Variants in RIN3 observed in about 807,000 individuals in gnomAD.
RIN3 encodes the protein Ras and Rab interactor 3, also known as RAB5 interacting protein 3.
A neutral mutation model predicts 76.3 loss-of-function variants in RIN3; 54 were observed. That is an observed-to-expected ratio of 0.71 (90% CI 0.57 to 0.89). The LOEUF (loss-of-function observed/expected upper bound fraction) is 0.89. Among genes scored for constraint, RIN3 ranks in the 40% least tolerant of loss-of-function variants. The pLI is 0.00. For synonymous variants in RIN3, 576 were observed against 564.0 expected (o/e 1.02, Z -0.30); for missense variants, 1,256 against 1,322.1 (o/e 0.95, Z 0.78).
intron 2 of RIN3, among the ~76,000 whole-genome samples, chr14:92,575,092 C>T (rs534154207): frequency 1.3e-5 from 2 of 152,106 alleles, no homozygotes; most frequent in African/African-American, 4.8e-5. Flanking sequence ...GGGTTTGGGC[C>T]AGACTAGGGA....
Position 92,652,393 on chromosome 14 carries a change from G to A in RIN3, c.1344G>A (p.Glu448=), listed in dbSNP as rs367897044. ...VKASDPHSMP[E]LPRTAKQPPV... ...CCAGCGATCCTCACAGCATGCCAGA[G>A]CTGCCCAGGACAGCCAAACAACCCC... The change falls in exon 6 of 10, where the codon GAG becomes GAA. Residue 448 remains glutamate (E), a synonymous_variant. Transcript: ENST00000216487. This position sits in a 1 kb window ranked among gnomAD's most constrained non-coding sequence, Gnocchi z 6.4. 1.2e-6 allele frequency: 2 copies of A among 1,612,218 alleles called. No individual in the cohort carries two copies. The highest frequency in any genetic ancestry group is 2.7e-5 in the African/African-American group (2 of 74,876).
At chr14:92,555,429 TG>T (rs1897548593) in intron 1 of RIN3, among the ~76,000 whole-genome samples, 1 of 152,192 alleles carries the variant, frequency 6.6e-6, no homozygotes, top group South Asian at 2.1e-4. Flanking sequence ...TTGACAGTTC[TG>T]TCCGGTTTAA....
At chr14:92,571,740 C>T (rs184552938) in intron 2 of RIN3, among the ~76,000 whole-genome samples, 449 of 152,216 alleles carry the variant, frequency 2.9e-3, no homozygotes, top group Non-Finnish European at 3.8e-3. Context: ...TTTGATAATC[C>T]GATAGGACAA....
intron 1 of RIN3, among the ~76,000 whole-genome samples, chr14:92,544,606 G>A (rs1347734146): frequency 3.9e-5 from 6 of 152,198 alleles, no homozygotes; most frequent in Non-Finnish European, 7.3e-5. Context: ...CAGGGCACTG[G>A]CAGAAGGAAC....
chr14:92,629,065 G>A (rs1595467468), intron 4 of RIN3, among the ~76,000 whole-genome samples: 1 of 152,076 alleles, frequency 6.6e-6, no homozygotes, highest in East Asian at 1.9e-4. Flanking sequence ...GAAACCTGCA[G>A]TTGCTTTCGT....
At chr14:92,673,107 C>T (rs1888342365) in intron 7 of RIN3, among the ~76,000 whole-genome samples, 1 of 151,994 alleles carries the variant, frequency 6.6e-6, no homozygotes. Context: ...ACGGCAAAAC[C>T]CTGTCTCTAC....
intron 1 of RIN3, among the ~76,000 whole-genome samples, chr14:92,524,222 C>T (rs1467628555): frequency 6.6e-6 from 1 of 152,082 alleles, no homozygotes; most frequent in Non-Finnish European, 1.5e-5. Context: ...AAAATAAAGA[C>T]CCGGGGCCCA....
Position 92,687,947 on chromosome 14 carries a change from C to G in RIN3, c.2653C>G (p.Leu885Val). 6.4e-7 allele frequency: 1 copy of G among 1,550,634 alleles called. No individual in the cohort carries two copies. Among genetic ancestry groups the G allele is most frequent in the African/African-American group, 1.4e-5 (1 of 72,746 alleles). ...GCAGGACTTCATCTGCGTGTCGTAC[C>G]TGGAGCCCGAGCAGCAGGCGCGGAC... ...SVQDFICVSY[L>V]EPEQQARTLA... The change falls in exon 10 of 10, where the codon CTG (leucine) becomes GTG (valine). Residue 885 changes from leucine to valine, a missense_variant. This residue lies in a region of RIN3 where 218 missense variants were observed against 174.5 expected (regional missense o/e 1.25). Transcript: ENST00000216487.
intron 3 of RIN3, among the ~76,000 whole-genome samples, chr14:92,590,951 T>TA (rs1468748792): frequency 2.6e-5 from 4 of 152,284 alleles, no homozygotes; most frequent in Admixed American, 1.3e-4. Context: ...CAAGACATAT[T>TA]AAAAGGCATT....
Position 92,673,098 on chromosome 14 carries a change from C to T in RIN3, c.2336-3377C>T, listed in dbSNP as rs1006446130. On this transcript the variant is annotated intron_variant, in intron 7 of 9. Transcript: ENST00000216487. The stretch of plus-strand genomic sequence containing the variant: ...GACTTCGAGACCAGCCTGGGCAACA[C>T]GGCAAAACCCTGTCTCTACCAAAAA... Among the ~76,000 whole-genome samples, 11 of 151,546 alleles carry T rather than the reference C, an allele frequency of 7.3e-5. 1 individual carries two copies. The Middle Eastern group carries it at 0.01, about 141-fold the overall frequency.
intron 2 of RIN3, among the ~76,000 whole-genome samples, chr14:92,567,834 T>G (rs538035467): frequency 6.6e-6 from 1 of 152,308 alleles, no homozygotes; most frequent in East Asian, 1.9e-4. Flanking sequence ...ATAGTTGTCA[T>G]TTATTTGTCT....
chr14:92,633,136 G>A (rs1225445297), intron 4 of RIN3, among the ~76,000 whole-genome samples: 4 of 152,208 alleles, frequency 2.6e-5, no homozygotes, highest in African/African-American at 7.2e-5. Context: ...GGTGAGGGCA[G>A]CCCCTGAGGG....
intron 1 of RIN3, among the ~76,000 whole-genome samples, chr14:92,532,642 C>T (rs369832342): frequency 6.6e-6 from 1 of 152,172 alleles, no homozygotes; most frequent in East Asian, 1.9e-4. Flanking sequence ...CCCACTCAAC[C>T]CCAGATGATG....
chr14:92,538,290 C>T (rs1458380367), intron 1 of RIN3, among the ~76,000 whole-genome samples: 2 of 152,174 alleles, frequency 1.3e-5, no homozygotes, highest in African/African-American at 2.4e-5. Context: ...TTTTTAATGG[C>T]TATATATTAT....
Position 92,593,583 on chromosome 14 carries a change from G to A in RIN3, c.367+16106G>A, listed in dbSNP as rs554954175. Among the ~76,000 whole-genome samples, 1,022 of 152,216 alleles carry A rather than the reference G, an allele frequency of 6.7e-3. 15 individuals are homozygous for A. Among genetic ancestry groups the A allele is most frequent in the African/African-American group, 0.023 (952 of 41,508 alleles). ...GGAGGGGTTGCATTAGGAGATGTAC[G>A]TAATGTAAATGATGAGTTAATGGGT... On this transcript the variant is annotated intron_variant, in intron 3 of 9. Coordinates refer to ENST00000216487, the MANE Select transcript of RIN3 (RefSeq NM_024832.5).
intron 2 of RIN3, among the ~76,000 whole-genome samples, chr14:92,569,788 G>A (rs1898014787): frequency 6.6e-6 from 1 of 152,070 alleles, no homozygotes; most frequent in Non-Finnish European, 1.5e-5. Context: ...TGGGGGCTAG[G>A]GGCATCAAAA....
intron 7 of RIN3, among the ~76,000 whole-genome samples, chr14:92,668,149 G>A (rs533657444): frequency 1.3e-5 from 2 of 152,278 alleles, no homozygotes; most frequent in African/African-American, 2.4e-5. Flanking sequence ...TACAGCTGAG[G>A]AAACTAAGGC....
chr14:92,604,909 C>CTTTTTTTTTTTT (rs148326639), intron 3 of RIN3, among the ~76,000 whole-genome samples: 1 of 90,050 alleles, frequency 1.1e-5, no homozygotes, highest in Non-Finnish European at 2.1e-5. Flanking sequence ...CCATTTTCCT[C>CTTTTTTTTTTTT]TTTTTTTTTT....
Position 92,651,790 on chromosome 14 carries a change from G to A in RIN3, c.741G>A (p.Leu247=), listed in dbSNP as rs765410427. Residue 247 remains leucine, a synonymous_variant, in exon 6 of 10, where the codon CTG becomes CTA. Coordinates refer to ENST00000216487, the MANE Select transcript of RIN3 (RefSeq NM_024832.5). ...PIFIEDCSSA[L]PTDQPPLGNC... ...TCATCGAGGACTGCAGCAGCGCCCT[G>A]CCCACCGACCAGCCACCTCTTGGAA... 2 of 1,613,740 alleles carry A rather than the reference G, an allele frequency of 1.2e-6. No individual in the cohort carries two copies. Among genetic ancestry groups the A allele is most frequent in the African/African-American group, 2.7e-5 (2 of 74,870 alleles).
Sources: gnomAD v4.1 joint callset for allele counts (sites outside exome capture counted in the v4.1 genomes callset) on GRCh38, gnomAD v4.1.1 for gene constraint, gnomAD v4.1.1 regional missense constraint, Gnocchi (gnomAD v3.1) non-coding constraint, MANE v1.5 for transcripts, NCBI Gene and HGNC (gene_info 2026-07-23, HGNC 2026-07-21) for gene names.